Variants in UGT1A7 observed in about 807,000 individuals in gnomAD.
UGT1A7 encodes the protein UDP glucuronosyltransferase family 1 member A7, also known as UDP-glucuronosyltransferase 1A7.
A neutral mutation model predicts 45.6 loss-of-function variants in UGT1A7; 33 were observed. The ratio of observed to expected loss-of-function variants is 0.72; its 90% confidence interval spans 0.55 to 0.97. UGT1A7 has a LOEUF of 0.97. UGT1A7 is among the 50% of genes least tolerant of loss of function. UGT1A7 has a pLI of 0.00. For synonymous variants in UGT1A7, 274 were observed against 250.6 expected, an observed-to-expected ratio of 1.09 and a Z score of -0.88; for missense variants, 684 against 666.2, an observed-to-expected ratio of 1.03 and a Z score of -0.29.
At chr2:233,729,492 G>A (rs2077867797) in intron 1 of UGT1A7, 26 of 1,614,172 alleles carry the variant, frequency 1.6e-5, no homozygotes, top group Non-Finnish European at 2.0e-5. Context: ...ATATGTCTTT[G>A]GTCTATCATA....
At chr2:233,747,450 T>G in intron 1 of UGT1A7, 1 of 1,609,050 alleles carries the variant, frequency 6.2e-7, no homozygotes, top group South Asian at 1.1e-5. Context: ...CCTGACAACC[T>G]ATGCCATTTC....
rs28900381 is a variant in UGT1A7 at position 233,747,569 on chromosome 2, T to A, written c.856-19465T>A. The A allele has an allele frequency of 1.9e-3, 2,961 of 1,591,598 alleles. 126 individuals are homozygous for A. The African/African-American group carries it at 0.036, about 19-fold the overall frequency. Reference sequence around the variant, plus strand: ...CTAAAAGTATGGCAATTTTGAAAAATTCATCTTTGGTCTTTCATAGGTCTT... The same window carrying A: ...CTAAAAGTATGGCAATTTTGAAAAAATCATCTTTGGTCTTTCATAGGTCTT... On this transcript the variant is annotated intron_variant, in intron 1 of 4. Transcript: ENST00000373426.
chr2:233,725,861 T>C (rs1225689926), intron 1 of UGT1A7, among the ~76,000 whole-genome samples: 2 of 152,194 alleles, frequency 1.3e-5, no homozygotes, highest in East Asian at 1.9e-4. Context: ...ATTCCCCATC[T>C]CTTTTAATTT....
In UGT1A7 at chr2:233,769,978, G is replaced by A. The variant is rs35883224; in HGVS notation, c.1295+1539G>A. The stretch of plus-strand genomic sequence containing the variant: ...CTTCTGGCCACCTCAATGTCAGGAT[G>A]TCCTGCTCACATATCAATACCATTA... On this transcript the variant is annotated intron_variant, in intron 4 of 4. Transcript: ENST00000373426. The surrounding 1 kb of genome is among the most constrained non-coding windows in gnomAD (Gnocchi z 4.4). 117 of 202,284 alleles carry A rather than the reference G, an allele frequency of 5.8e-4. 1 individual carries two copies. Among genetic ancestry groups the A allele is most frequent in the African/African-American group, 2.5e-3 (109 of 43,540 alleles). The allele number at this position is 202,284 out of a possible 1,614,324, so 12.5% of individuals were successfully genotyped here.
At chr2:233,687,251 G>A (rs2074829035) in intron 1 of UGT1A7, among the ~76,000 whole-genome samples, 1 of 152,154 alleles carries the variant, frequency 6.6e-6, no homozygotes, top group African/African-American at 2.4e-5. Context: ...CAAGATTAAT[G>A]ATCTTAACCA....
intron 1 of UGT1A7, chr2:233,692,971 C>CT: frequency 6.2e-7 from 1 of 1,611,844 alleles, no homozygotes; most frequent in Non-Finnish European, 8.5e-7. Flanking sequence ...AGTGAAAACT[C>CT]TTTATTACCG....
At chr2:233,727,744 G>A (rs1233532072) in intron 1 of UGT1A7, among the ~76,000 whole-genome samples, 5 of 152,112 alleles carry the variant, frequency 3.3e-5, no homozygotes, top group Admixed American at 6.5e-5. Flanking sequence ...GCCATCCTGC[G>A]TGTGCTGCCC....
chr2:233,747,006 G>A (rs563411016), intron 1 of UGT1A7, among the ~76,000 whole-genome samples: 4 of 151,972 alleles, frequency 2.6e-5, no homozygotes, highest in Admixed American at 2.0e-4. Flanking sequence ...TTTTCAAGTA[G>A]GAGTGATCGG....
intron 1 of UGT1A7, among the ~76,000 whole-genome samples, chr2:233,751,872 G>A (rs151015857): frequency 1.6e-4 from 24 of 152,228 alleles, no homozygotes; most frequent in African/African-American, 2.2e-4. Context: ...AAATTACCCC[G>A]TCTTGGGTAT....
chr2:233,704,065 A>T (rs912280435), intron 1 of UGT1A7, among the ~76,000 whole-genome samples: 4 of 151,732 alleles, frequency 2.6e-5, no homozygotes, highest in Non-Finnish European at 5.9e-5. Flanking sequence ...TAATTTTTGT[A>T]TTTTTTATAG....
At chr2:233,695,394 G>A (rs1244656271) in intron 1 of UGT1A7, among the ~76,000 whole-genome samples, 1 of 151,138 alleles carries the variant, frequency 6.6e-6, no homozygotes, top group African/African-American at 2.4e-5. Context: ...AAAGTGCTGG[G>A]ATTACAGGCG....
chr2:233,724,171 CA>C (rs2077183449), intron 1 of UGT1A7, among the ~76,000 whole-genome samples: 1 of 91,442 alleles, frequency 1.1e-5, no homozygotes, highest in Non-Finnish European at 2.4e-5. Context: ...CTGACCCCCC[CA>C]TCTCCCTCCC....
At chr2:233,747,911 C>A (rs1693810314) in intron 1 of UGT1A7, 1 of 1,613,394 alleles carries the variant, frequency 6.2e-7, no homozygotes, top group Non-Finnish European at 8.5e-7. Flanking sequence ...CTTATGCAAG[C>A]CTTGCCTCTG....
chr2:233,698,796 G>A (rs896772598), intron 1 of UGT1A7, among the ~76,000 whole-genome samples: 75 of 152,280 alleles, frequency 4.9e-4, no homozygotes, highest in African/African-American at 1.7e-3. Context: ...GTAACCTCTG[G>A]GCTCCCAGCC....
intron 1 of UGT1A7, chr2:233,718,743 A>C: frequency 6.2e-7 from 1 of 1,612,082 alleles, no homozygotes; most frequent in Admixed American, 1.7e-5. Context: ...CTCAATGACA[A>C]GGTAATTAAG....
chr2:233,736,156 G>A (rs1226019844), intron 1 of UGT1A7, among the ~76,000 whole-genome samples: 4 of 152,192 alleles, frequency 2.6e-5, no homozygotes, highest in East Asian at 1.9e-4. Context: ...CCAGTCAAAC[G>A]TAGATTTGGT....
At chr2:233,765,068 C>T (rs1698740394) in intron 1 of UGT1A7, among the ~76,000 whole-genome samples, 1 of 152,072 alleles carries the variant, frequency 6.6e-6, no homozygotes. Flanking sequence ...TCAGAGGTCT[C>T]CTGTGTCTCA....
At chr2:233,719,280 G>A (rs762367100) in intron 1 of UGT1A7, 57 of 1,613,966 alleles carry the variant, frequency 3.5e-5, no homozygotes, top group South Asian at 5.5e-5. Context: ...AACAGACCCC[G>A]TTAACCTCTG....
intron 1 of UGT1A7, chr2:233,755,366 T>A (rs938544322): frequency 6.9e-5 from 25 of 362,910 alleles, no homozygotes; most frequent in African/African-American, 5.3e-4. Flanking sequence ...CTGGGCCGCC[T>A]GGAGGGCCGC....
Sources: gnomAD v4.1 joint callset for allele counts (sites outside exome capture counted in the v4.1 genomes callset) on GRCh38, gnomAD v4.1.1 for gene constraint, Gnocchi (gnomAD v3.1) non-coding constraint, MANE v1.5 for transcripts, NCBI Gene and HGNC (gene_info 2026-07-23, HGNC 2026-07-21) for gene names.